Variants in HYDIN observed in about 807,000 individuals in gnomAD.
HYDIN encodes the protein axonemal central pair apparatus protein HYDIN.
Under a neutral mutation model 403.9 loss-of-function variants are expected in HYDIN, and 132 were observed. The observed-to-expected ratio is 0.33, with a 90% CI of 0.28 to 0.38. The LOEUF (loss-of-function observed/expected upper bound fraction) is 0.38. Among genes scored for constraint, HYDIN ranks in the 10% least tolerant of loss-of-function variants. The probability of loss-of-function intolerance (pLI) is 1.00; values close to 1 mark genes in which losing one functional copy is unlikely to be tolerated. For synonymous variants in HYDIN, 1,202 were observed against 1,891.7 expected (o/e 0.64, Z 9.46); for missense variants, 2,827 against 5,009.5 (o/e 0.56, Z 13.15).
chr16:71,201,673 AT>A (rs2088021348), intron 1 of HYDIN, among the ~76,000 whole-genome samples: 2 of 152,216 alleles, frequency 1.3e-5, no homozygotes, highest in Admixed American at 6.5e-5. Flanking sequence ...GCTGGCAGCC[AT>A]TTTGCCCCTA....
chr16:71,032,767 T>C (rs1429397627), intron 18 of HYDIN, among the ~76,000 whole-genome samples: 1 of 73,440 alleles, frequency 1.4e-5, no homozygotes. Context: ...TGTTGTTTTC[T>C]GTGCTTCATT....
rs978978341 is a variant in HYDIN at position 70,906,617 on chromosome 16, C to A, written c.8516+755G>T. Among the ~76,000 whole-genome samples the A allele has an allele frequency of 2.0e-5, 3 of 152,144 alleles. No individual in the cohort carries two copies. The South Asian group carries it at 6.2e-4, about 32-fold the overall frequency. On this transcript the variant is annotated intron_variant, in intron 50 of 85. Coordinates refer to ENST00000393567, the MANE Select transcript of HYDIN (RefSeq NM_001270974.2). ...CAAGCCTCATAAGAATAACAGCGCA[C>A]GAACAGCCTGCCCTGCGCTCCAGGC...
rs533176484 is a variant in HYDIN, at chr16:71,217,815, C to T, written c.-24+12747G>A. ...GAACAGATCACAGCCAGCTCCAAAT[C>T]CCTGCTTTGCGGGAGAGCCATTCAC... On this transcript the variant is annotated intron_variant, in intron 1 of 85. Coordinates refer to ENST00000393567, the MANE Select transcript of HYDIN (RefSeq NM_001270974.2). Among the ~76,000 whole-genome samples the T allele has an allele frequency of 5.9e-5, 9 of 152,298 alleles. No homozygotes were observed. In the South Asian group the frequency reaches 1.9e-3, roughly 32 times the overall value.
Position 70,834,139 on chromosome 16 carries a change from T to G in HYDIN, c.13427A>C (p.Asn4476Thr), listed in dbSNP as rs778911138. Residue 4476 changes from asparagine (N) to threonine (T), a missense_variant, in exon 79 of 86, where the codon AAC becomes ACC. Transcript: ENST00000393567. ...PKVLTLAPFH[N>T]ITLKPKEVCK... is the part of the protein sequence containing the mutation. ...GACTTCTTTGGGCTTCAGTGTGATG[T>G]TGTGGAAGGGCGCCAGGGTAAGGAC... The G allele has an allele frequency of 6.2e-7, 1 of 1,613,760 alleles. No individual in the cohort carries two copies. The highest frequency in any genetic ancestry group is 2.2e-5 in the East Asian group (1 of 44,842).
chr16:71,124,272 A>G (rs2084366198), intron 9 of HYDIN, among the ~76,000 whole-genome samples: 1 of 152,262 alleles, frequency 6.6e-6, no homozygotes, highest in Non-Finnish European at 1.5e-5. Context: ...CTGCGGCCAC[A>G]TGGTTGGCAG....
At chr16:70,847,411 G>A (rs1321241273) in intron 75 of HYDIN, among the ~76,000 whole-genome samples, 15 of 152,240 alleles carry the variant, frequency 9.9e-5, no homozygotes, top group Non-Finnish European at 1.8e-4. Context: ...GTGGATTTGA[G>A]TTATCCTTTA....
chr16:71,186,293 A>G (rs999675655), intron 2 of HYDIN, among the ~76,000 whole-genome samples: 29 of 152,154 alleles, frequency 1.9e-4, no homozygotes, highest in African/African-American at 6.8e-4. Context: ...GTTTTATTTT[A>G]AAGAACAGGA....
At chr16:71,201,261 C>T (rs757061118) in intron 1 of HYDIN, among the ~76,000 whole-genome samples, 4 of 152,188 alleles carry the variant, frequency 2.6e-5, no homozygotes, top group Non-Finnish European at 5.9e-5. Flanking sequence ...ACATGCCTTG[C>T]ATAGTGATTG....
At position 71,115,811 on chromosome 16, in the gene HYDIN, G is replaced by C. The variant is rs748596904; in HGVS notation, c.1228-16C>G. 44 of 699,382 alleles carry C rather than the reference G, an allele frequency of 6.3e-5. No homozygotes were observed. Among genetic ancestry groups the C allele is most frequent in the Non-Finnish European group, 9.9e-5 (38 of 385,678 alleles). The allele number at this position is 699,382 out of a possible 1,614,324, so 43.3% of individuals were successfully genotyped here. On this transcript the variant is annotated splice_polypyrimidine_tract_variant and intron_variant, in intron 9 of 85. Coordinates refer to ENST00000393567, the MANE Select transcript of HYDIN (RefSeq NM_001270974.2). ...CATCACCTTCCTGAAAAACATGAAA[G>C]AATCATTAAAAAACAATATGACAAA...
intron 20 of HYDIN, among the ~76,000 whole-genome samples, chr16:71,025,878 T>G (rs2080674255): frequency 6.6e-6 from 1 of 152,184 alleles, no homozygotes; most frequent in Non-Finnish European, 1.5e-5. Flanking sequence ...TATTGAAAAC[T>G]GTAGTTGGAA....
intron 1 of HYDIN, among the ~76,000 whole-genome samples, chr16:71,190,157 C>A (rs1227902294): frequency 6.6e-6 from 1 of 152,026 alleles, no homozygotes; most frequent in Non-Finnish European, 1.5e-5. Context: ...CACCATTTAC[C>A]ACTAACAGAA....
At chr16:70,984,207 AAAAT>A (rs2079121075) in intron 28 of HYDIN, among the ~76,000 whole-genome samples, 1 of 150,726 alleles carries the variant, frequency 6.6e-6, no homozygotes, top group Non-Finnish European at 1.5e-5. Flanking sequence ...TAAAAAACAA[AAAAT>A]AAATAAATAA....
chr16:70,996,865 G>C (rs969821077), intron 23 of HYDIN, among the ~76,000 whole-genome samples: 2 of 151,944 alleles, frequency 1.3e-5, no homozygotes, highest in East Asian at 3.9e-4. Flanking sequence ...TGGGGTGGTG[G>C]GGGGGATGGT....
intron 6 of HYDIN, among the ~76,000 whole-genome samples, chr16:71,157,834 TTTCCA>T (rs1177116309): frequency 7.0e-6 from 1 of 141,924 alleles, no homozygotes; most frequent in African/African-American, 2.7e-5. Flanking sequence ...CGGTAAGCTT[TTTCCA>T]CCCCTGGACT....
intron 18 of HYDIN, among the ~76,000 whole-genome samples, chr16:71,051,463 G>A (rs1471807093): frequency 2.0e-5 from 3 of 151,906 alleles, no homozygotes; most frequent in Non-Finnish European, 2.9e-5. Context: ...TGGCTCACAC[G>A]GTGAGACCCC....
At chr16:71,065,697 G>T (rs1464412943) in intron 15 of HYDIN, among the ~76,000 whole-genome samples, 1 of 152,118 alleles carries the variant, frequency 6.6e-6, no homozygotes, top group Admixed American at 6.5e-5. Context: ...TAATTCTAGG[G>T]ATTGATATTG....
intron 3 of HYDIN, among the ~76,000 whole-genome samples, chr16:71,183,159 G>A (rs1567420512): frequency 2.6e-5 from 4 of 152,090 alleles, no homozygotes; most frequent in Non-Finnish European, 1.5e-5. Flanking sequence ...AGGAAGTGGT[G>A]AGAAGCGGGA....
At chr16:70,830,994 T>C (rs2036942943) in intron 80 of HYDIN, among the ~76,000 whole-genome samples, 1 of 151,488 alleles carries the variant, frequency 6.6e-6, no homozygotes, top group African/African-American at 2.4e-5. Flanking sequence ...AGATAGGGTC[T>C]CACTATGTTG....
intron 18 of HYDIN, among the ~76,000 whole-genome samples, chr16:71,034,381 C>A (rs1344428122): frequency 6.6e-6 from 1 of 152,106 alleles, no homozygotes; most frequent in Non-Finnish European, 1.5e-5. Context: ...CATAAACGTA[C>A]ATTGCAGATT....
Sources: gnomAD v4.1 joint callset for allele counts (sites outside exome capture counted in the v4.1 genomes callset) on GRCh38, gnomAD v4.1.1 for gene constraint, MANE v1.5 for transcripts, NCBI Gene and HGNC (gene_info 2026-07-23, HGNC 2026-07-21) for gene names.